The following SAMMSON variants were observed in gnomAD, a reference collection of about 807,000 sequenced individuals.
SAMMSON encodes long intergenic non-protein coding RNA 1212.
At chr3:70,324,179 CT>C (rs1247949697) in intron 7 of SAMMSON, among the ~76,000 whole-genome samples, 18 of 103,682 alleles carry the variant, frequency 1.7e-4, no homozygotes, top group South Asian at 8.7e-4. Flanking sequence ...ATCTATCTAT[CT>C]ATCTATCTAT....
At position 70,374,147 on chromosome 3, in the gene SAMMSON, C is replaced by T. The variant is rs113261580; in HGVS notation, n.914-15427C>T. On this transcript the variant is annotated intron_variant and non_coding_transcript_variant, in intron 9 of 9. Transcript: ENST00000642114. ...CAGGCTGGTCTCAAACTCCCGACCT[C>T]AGGGGACTTGCCCACCTCAGCCTCC... Among the ~76,000 whole-genome samples, 86 of 152,304 alleles carry T rather than the reference C, an allele frequency of 5.6e-4. 3 individuals are homozygous for T. Among genetic ancestry groups the T allele is most frequent in the African/African-American group, 1.9e-3 (80 of 41,568 alleles).
intron 4 of SAMMSON, among the ~76,000 whole-genome samples, chr3:70,087,144 G>T (rs1301380064): frequency 6.6e-6 from 1 of 152,074 alleles, no homozygotes; most frequent in African/African-American, 2.4e-5. Context: ...TCTTGCCCTG[G>T]ATCTCCGCCA....
intron 4 of SAMMSON, among the ~76,000 whole-genome samples, chr3:70,123,145 T>C (rs1220648449): frequency 6.6e-6 from 1 of 152,220 alleles, no homozygotes; most frequent in African/African-American, 2.4e-5. Flanking sequence ...TCAGTGGGGC[T>C]GGGGAAGGGG....
At chr3:70,025,387 A>G (rs532420123) in intron 3 of SAMMSON, among the ~76,000 whole-genome samples, 1 of 151,950 alleles carries the variant, frequency 6.6e-6, no homozygotes, top group African/African-American at 2.4e-5. Flanking sequence ...TGGGATTACA[A>G]GTTCCCGCCA....
intron 4 of SAMMSON, among the ~76,000 whole-genome samples, chr3:70,182,446 T>C (rs1559529554): frequency 6.6e-6 from 1 of 152,144 alleles, no homozygotes; most frequent in Non-Finnish European, 1.5e-5. Flanking sequence ...CTGTGTTTTA[T>C]GGGGGGAGAG....
chr3:70,207,180 A>T (rs1701299334), intron 4 of SAMMSON, among the ~76,000 whole-genome samples: 1 of 152,014 alleles, frequency 6.6e-6, no homozygotes, highest in Non-Finnish European at 1.5e-5. Context: ...GGTGGGCAAT[A>T]CTGCTGAGTT....
At chr3:70,355,537 T>C (rs1030332939) in intron 8 of SAMMSON, among the ~76,000 whole-genome samples, 1 of 151,970 alleles carries the variant, frequency 6.6e-6, no homozygotes, top group Non-Finnish European at 1.5e-5. Context: ...AGAAATCAGT[T>C]TTAAAATTGG....
At chr3:70,122,795 A>G (rs768390665) in intron 4 of SAMMSON, among the ~76,000 whole-genome samples, 4 of 152,236 alleles carry the variant, frequency 2.6e-5, no homozygotes, top group Non-Finnish European at 5.9e-5. Flanking sequence ...TTTTTATCCT[A>G]TAGCATAACT....
At chr3:70,063,820 C>T (rs116144793) in intron 3 of SAMMSON, among the ~76,000 whole-genome samples, 40 of 152,208 alleles carry the variant, frequency 2.6e-4, no homozygotes, top group African/African-American at 9.4e-4. Flanking sequence ...CAGCAAAATT[C>T]AGCTGTTTAA....
At chr3:70,352,219 T>A (rs145690951) in intron 7 of SAMMSON, among the ~76,000 whole-genome samples, 169 of 152,000 alleles carry the variant, frequency 1.1e-3, no homozygotes, top group African/African-American at 4.0e-3. Flanking sequence ...CAAGTTTTAG[T>A]GTTCTGAAAA....
intron 2 of SAMMSON, among the ~76,000 whole-genome samples, chr3:70,407,249 T>C (rs1281158753): frequency 2.0e-5 from 3 of 152,126 alleles, no homozygotes; most frequent in Non-Finnish European, 4.4e-5. Context: ...TTTCTACCCC[T>C]TGTCCCTCCA....
intron 4 of SAMMSON, among the ~76,000 whole-genome samples, chr3:70,098,177 T>C (rs1426911332): frequency 6.6e-6 from 1 of 152,162 alleles, no homozygotes; most frequent in Non-Finnish European, 1.5e-5. Flanking sequence ...TCCAGGTTTT[T>C]TGAGACTAGA....
At chr3:70,358,726 A>G (rs1702848681) in intron 9 of SAMMSON, among the ~76,000 whole-genome samples, 1 of 151,892 alleles carries the variant, frequency 6.6e-6, no homozygotes, top group Non-Finnish European at 1.5e-5. Context: ...TGTTTATTGC[A>G]TTGCTTTGTA....
chr3:70,027,271 C>T (rs2067044828), intron 3 of SAMMSON, among the ~76,000 whole-genome samples: 1 of 152,150 alleles, frequency 6.6e-6, no homozygotes, highest in South Asian at 2.1e-4. Context: ...AATGTATCAT[C>T]AGCCATGTAG....
chr3:70,264,738 C>T (rs1701899683), intron 6 of SAMMSON, among the ~76,000 whole-genome samples: 2 of 152,182 alleles, frequency 1.3e-5, no homozygotes, highest in Non-Finnish European at 2.9e-5. Flanking sequence ...AAATATTAAA[C>T]AGGGAATAAT....
chr3:70,019,195 C>T (rs1173779129), intron 3 of SAMMSON, among the ~76,000 whole-genome samples: 5 of 152,000 alleles, frequency 3.3e-5, no homozygotes, highest in South Asian at 2.1e-4. Flanking sequence ...TAAAGTCTCC[C>T]GTTATTATTG....
chr3:70,266,989 T>A (rs1037895364), intron 6 of SAMMSON, among the ~76,000 whole-genome samples: 7 of 152,174 alleles, frequency 4.6e-5, no homozygotes, highest in Non-Finnish European at 7.3e-5. Flanking sequence ...GGATGGAGAC[T>A]GCCAACATTT....
At chr3:70,287,531 T>C (rs1702178827) in intron 6 of SAMMSON, among the ~76,000 whole-genome samples, 1 of 151,958 alleles carries the variant, frequency 6.6e-6, no homozygotes, top group South Asian at 2.1e-4. Flanking sequence ...TTTTTGGTTG[T>C]GTCTCTGCCC....
chr3:70,199,149 T>C (rs376185508), intron 4 of SAMMSON, among the ~76,000 whole-genome samples: 8 of 152,282 alleles, frequency 5.3e-5, no homozygotes, highest in Admixed American at 3.3e-4. Context: ...CCTTTATACA[T>C]GCAAGGTTAA....
Sources: gnomAD v4.1 joint callset for allele counts (sites outside exome capture counted in the v4.1 genomes callset) on GRCh38, gnomAD v4.1.1 for gene constraint, MANE v1.5 for transcripts, NCBI Gene and HGNC (gene_info 2026-07-23, HGNC 2026-07-21) for gene names.